Variants in NDUFA10 observed in about 807,000 individuals in gnomAD.
The protein encoded by NDUFA10 is NADH:ubiquinone oxidoreductase subunit A10.
In NDUFA10, 40 loss-of-function variants were observed where a neutral mutation model predicts 47.8. That is an observed-to-expected ratio of 0.84 (90% confidence interval 0.65 to 1.09). NDUFA10 has a LOEUF of 1.09. NDUFA10 is among the 50% of genes least tolerant of loss of function. NDUFA10 has a pLI of 0.00. For missense variants in NDUFA10, 413 were observed against 451.1 expected (o/e 0.92, Z 0.76); for synonymous variants, 183 against 172.2 (o/e 1.06, Z -0.49).
At chr2:240,008,708 A>T (rs931947141) in intron 6 of NDUFA10, among the ~76,000 whole-genome samples, 4 of 152,226 alleles carry the variant, frequency 2.6e-5, no homozygotes, top group African/African-American at 9.6e-5. Flanking sequence ...CAACACACAT[A>T]ACTGAACAGA....
intron 9 of NDUFA10, among the ~76,000 whole-genome samples, chr2:239,966,594 T>C (rs1289814417): frequency 6.6e-6 from 1 of 152,180 alleles, no homozygotes; most frequent in African/African-American, 2.4e-5. Context: ...CCACTCGTGA[T>C]TTCCCCCAAA....
intron 4 of NDUFA10, among the ~76,000 whole-genome samples, chr2:239,947,981 C>G (rs1291125064): frequency 6.6e-6 from 1 of 152,216 alleles, no homozygotes; most frequent in Non-Finnish European, 1.5e-5. Context: ...GGTGGCCCTG[C>G]CCTTCAAGCT....
rs1693661524 is a variant in NDUFA10, at chr2:239,906,681, C to T, written c.295-11367G>A. 6.6e-6 allele frequency among the ~76,000 whole-genome samples: 1 copy of T among 152,152 alleles called. No individual in the cohort carries two copies. The highest frequency in any genetic ancestry group is 1.5e-5 in the Non-Finnish European group (1 of 68,024). ...GCCCTGCACCCAACCCTAAAGGTGC[C>T]TCCTCCTTTCTTCTTGATGAAAAGG... On this transcript the variant is annotated intron_variant, in intron 4 of 5. Coordinates refer to the NDUFA10 transcript ENST00000419408. This position sits in a 1 kb window ranked among gnomAD's most constrained non-coding sequence, Gnocchi z 4.3.
chr2:240,014,462 C>T (rs2106486995), intron 5 of NDUFA10: 2 of 473,088 alleles, frequency 4.2e-6, no homozygotes, highest in East Asian at 4.1e-5. Flanking sequence ...GAGGCCCTCA[C>T]CAGCCTCCCA....
chr2:239,956,636 T>G (rs537755223), downstream of NDUFA10, among the ~76,000 whole-genome samples: 2 of 152,258 alleles, frequency 1.3e-5, no homozygotes, highest in African/African-American at 4.8e-5. Flanking sequence ...CCAGTGGAAA[T>G]GCACTTTCCA....
At chr2:239,914,468 GAC>G (rs1343089504) in intron 4 of NDUFA10, among the ~76,000 whole-genome samples, 5 of 119,472 alleles carry the variant, frequency 4.2e-5, no homozygotes, top group South Asian at 2.7e-4. Context: ...TACACACACA[GAC>G]ACACACAAAT....
At chr2:239,939,625 G>C (rs191941848) in intron 4 of NDUFA10, among the ~76,000 whole-genome samples, 1 of 152,354 alleles carries the variant, frequency 6.6e-6, no homozygotes, top group African/African-American at 2.4e-5. Flanking sequence ...GAGGTTATTT[G>C]TAATGTCTAA....
intron 5 of NDUFA10, 200 bp downstream of exon 5, chr2:240,014,539 C>G: frequency 2.6e-6 from 2 of 764,168 alleles, no homozygotes; most frequent in Non-Finnish European, 4.3e-6. Context: ...GCGGCAGGCC[C>G]GCAGGCTGTG....
chr2:239,988,134 G>T (rs1012653723), intron 9 of NDUFA10, among the ~76,000 whole-genome samples: 5 of 152,058 alleles, frequency 3.3e-5, no homozygotes, highest in African/African-American at 1.2e-4. Flanking sequence ...AAAAATAACT[G>T]CAAATTACAA....
chr2:239,908,696 C>T (rs1202099920), intron 4 of NDUFA10, among the ~76,000 whole-genome samples: 1 of 152,244 alleles, frequency 6.6e-6, no homozygotes, highest in Non-Finnish European at 1.5e-5. Flanking sequence ...TAACAGAGAT[C>T]ACTCCCTTAT....
downstream of NDUFA10, among the ~76,000 whole-genome samples, chr2:239,956,743 T>C (rs1694662669): frequency 6.6e-6 from 1 of 152,184 alleles, no homozygotes; most frequent in Admixed American, 6.5e-5. Context: ...AACGCGCTCG[T>C]TCTGGTGGGA....
rs369243993 is a variant in NDUFA10, at chr2:240,021,240, G to A, written c.417C>T (p.Arg139=). ...YRLQSWLYSS[R]LLQYSDALEH... ...CCAAGGCATCTGAGTACTGCAGCAG[G>A]CGACTGCTGTACAACCAGGACTGCA... Residue 139 remains arginine (R), a synonymous_variant, in exon 3 of 10, where the codon CGC becomes CGT. Transcript: ENST00000252711. 58 of 1,614,104 alleles carry A rather than the reference G, an allele frequency of 3.6e-5. No homozygotes were observed. The highest frequency in any genetic ancestry group is 4.8e-5 in the Non-Finnish European group (57 of 1,180,040).
chr2:239,988,335 G>A (rs955161842), intron 9 of NDUFA10, among the ~76,000 whole-genome samples: 1 of 152,098 alleles, frequency 6.6e-6, no homozygotes, highest in East Asian at 1.9e-4. Context: ...TCCTAACAAG[G>A]CAATTCTAAA....
At chr2:239,904,503 C>G (rs1693611785) in intron 4 of NDUFA10, among the ~76,000 whole-genome samples, 1 of 152,314 alleles carries the variant, frequency 6.6e-6, no homozygotes, top group Non-Finnish European at 1.5e-5. Flanking sequence ...CCATGTTGGC[C>G]AGGCTGGTCT....
Position 240,025,277 on chromosome 2 carries a change from C to T in NDUFA10, c.25G>A (p.Ala9Thr). Residue 9 changes from alanine (A) to threonine (T), a missense_variant, in exon 1 of 10, where the codon GCA (alanine) becomes ACA (threonine). Coordinates refer to ENST00000252711, the MANE Select transcript of NDUFA10 (RefSeq NM_004544.4). The stretch of plus-strand genomic sequence containing the variant: ...ACCCGGGCGGACGCGGACGTCGCTG[C>T]CAGCTTCAGGAGCCGCAAGGCCATG... MALRLLKLAATSASARVVA... is the reference protein window; with the variant it reads MALRLLKLTATSASARVVA... The T allele has an allele frequency of 1.3e-6, 2 of 1,504,546 alleles. No homozygotes were observed. The highest frequency in any genetic ancestry group is 1.8e-6 in the Non-Finnish European group (2 of 1,130,494). 93.2% of individuals were successfully genotyped at this position (1,504,546 alleles called of 1,614,324 possible).
At chr2:239,898,906 GAGTGATGGAAGGT>G (rs1195510189) in intron 4 of NDUFA10, among the ~76,000 whole-genome samples, 21 of 152,052 alleles carry the variant, frequency 1.4e-4, no homozygotes, top group East Asian at 3.9e-4. Context: ...TGAAGGAGGG[GAGTGATGGAAGGT>G]TGTGATGGAG....
intron 9 of NDUFA10, chr2:239,983,674 A>G: frequency 6.3e-7 from 1 of 1,576,376 alleles, no homozygotes; most frequent in Non-Finnish European, 8.6e-7. Flanking sequence ...CTGATGCTTC[A>G]CCTCTGTGGA....
chr2:239,946,302 C>T (rs554197383), intron 4 of NDUFA10, among the ~76,000 whole-genome samples: 28 of 152,296 alleles, frequency 1.8e-4, no homozygotes, highest in Admixed American at 7.2e-4. Flanking sequence ...CCCCAGCAGA[C>T]GGGGAGATGG....
intron 4 of NDUFA10, among the ~76,000 whole-genome samples, chr2:239,908,336 T>C (rs2106469443): frequency 6.6e-6 from 1 of 152,286 alleles, no homozygotes; most frequent in South Asian, 2.1e-4. Flanking sequence ...GCATGGCACA[T>C]GTATACATAC....
Sources: allele counts gnomAD v4.1 joint callset (sites outside exome capture counted in the v4.1 genomes callset), GRCh38; gene constraint gnomAD v4.1.1; non-coding constraint Gnocchi (gnomAD v3.1); transcripts MANE v1.5; gene names NCBI Gene and HGNC (gene_info 2026-07-23, HGNC 2026-07-21).